XRCC1: variants seen among roughly 807,000 people sequenced by gnomAD.
The protein encoded by XRCC1 is X-ray repair cross complementing 1.
Under a neutral mutation model 83.3 loss-of-function variants are expected in XRCC1, and 52 were observed. That is an observed-to-expected ratio of 0.62 (90% CI 0.50 to 0.79). XRCC1 has a LOEUF of 0.79. XRCC1 is among the 30% of genes least tolerant of loss of function. The pLI, the probability that XRCC1 is intolerant of heterozygous loss-of-function variation, is 0.00. For missense variants in XRCC1, 793 were observed against 823.5 expected (o/e 0.96, Z 0.45); for synonymous variants, 281 against 312.6 (o/e 0.90, Z 1.07).
chr19:43,552,747 G>C (rs1367380787), intron 8 of XRCC1, 50 bp downstream of exon 8: 1 of 1,504,934 alleles, frequency 6.6e-7, no homozygotes, highest in East Asian at 2.3e-5. Flanking sequence ...GCTTCCCCTA[G>C]GACACAGGAG....
At chr19:43,552,326 C>T (rs1972586849) in intron 8 of XRCC1, 51 bp from the exon 9 acceptor site, 1 of 1,379,186 alleles carries the variant, frequency 7.3e-7, no homozygotes, top group South Asian at 1.3e-5. Flanking sequence ...GGTCAACCCC[C>T]AGCCCCTCCT....
intron 3 of XRCC1, among the ~76,000 whole-genome samples, chr19:43,557,012 A>G (rs1972643481): frequency 1.3e-5 from 2 of 151,784 alleles, no homozygotes; most frequent in South Asian, 4.2e-4. Flanking sequence ...CAAAAAACAA[A>G]AAACGAAACA....
At position 43,546,616 on chromosome 19, in the gene XRCC1, C is replaced by T. The variant is rs1972513317; in HGVS notation, c.1405G>A (p.Asp469Asn). Reference protein sequence around the residue: ...AASPVLQEDIDIEGVQSEGQD... With the variant: ...AASPVLQEDINIEGVQSEGQD... ...TGACCTGACTGTACCCCCTCAATGT[C>T]TATATCTTCCTGGAGCACTGGTGAG... The change falls in exon 12 of 17, where the codon GAC becomes AAC. Residue 469 changes from aspartate to asparagine, a missense_variant. Coordinates refer to ENST00000262887, the MANE Select transcript of XRCC1 (RefSeq NM_006297.3). 1.2e-6 allele frequency: 2 copies of T among 1,611,198 alleles called. No homozygotes were observed. Among genetic ancestry groups the T allele is most frequent in the African/African-American group, 1.3e-5 (1 of 74,830 alleles).
chr19:43,548,766 CAAAAAAAAAA>C (rs60740505), intron 10 of XRCC1, among the ~76,000 whole-genome samples: 4 of 64,590 alleles, frequency 6.2e-5, no homozygotes, highest in East Asian at 3.6e-4. Context: ...CAAGAATGAT[CAAAAAAAAAA>C]AAAAAAAAAA....
At chr19:43,547,288 C>T (rs971551816) in intron 10 of XRCC1, among the ~76,000 whole-genome samples, 36 of 151,846 alleles carry the variant, frequency 2.4e-4, no homozygotes, top group African/African-American at 8.0e-4. Context: ...CAGGTTCGAG[C>T]GACTCCCCTG....
In XRCC1 at chr19:43,566,594, T is replaced by C. The variant is rs116628409; in HGVS notation, c.145-5574A>G. Among the ~76,000 whole-genome samples the C allele has an allele frequency of 7.8e-3, 1,174 of 150,262 alleles. 5 individuals are homozygous for C. The highest frequency in any genetic ancestry group is 0.027 in the African/African-American group (1,116 of 40,916). On this transcript the variant is annotated intron_variant, in intron 2 of 16. Transcript: ENST00000262887. ...AGAATCTGATAAAAATGTTTATACA[T>C]GGAGGCTGGGGTGGTGGCTCACGCC...
At chr19:43,574,035 C>T (rs1418417833) in intron 2 of XRCC1, among the ~76,000 whole-genome samples, 3 of 152,004 alleles carry the variant, frequency 2.0e-5, no homozygotes, top group African/African-American at 4.8e-5. Context: ...TGTAGAGCAG[C>T]GACTGACAGG....
chr19:43,567,269 A>T (rs978638545), intron 2 of XRCC1, among the ~76,000 whole-genome samples: 2 of 6,242 alleles, frequency 3.2e-4, no homozygotes, highest in African/African-American at 2.3e-3. Context: ...TCAATATGCT[A>T]AAAAAAAAAA....
chr19:43,544,401 GGGA>G (rs1030889765), intron 14 of XRCC1, among the ~76,000 whole-genome samples, 167 bp from the exon 15 acceptor site: 4 of 152,172 alleles, frequency 2.6e-5, no homozygotes, highest in Non-Finnish European at 4.4e-5. Context: ...GAGCCTCCTG[GGGA>G]GGTAGGTTGG....
chr19:43,554,372 T>TA (rs1373754171), intron 4 of XRCC1, among the ~76,000 whole-genome samples: 1 of 152,204 alleles, frequency 6.6e-6, no homozygotes, highest in Non-Finnish European at 1.5e-5. Context: ...AGGCCCACTC[T>TA]ACTAGGCCAC....
chr19:43,575,133 C>T (rs1972843487), intron 1 of XRCC1, 131 bp from the exon 2 acceptor site: 1 of 812,174 alleles, frequency 1.2e-6, no homozygotes, highest in African/African-American at 1.7e-5. Context: ...GTTAATCCCC[C>T]GACACTCTGC....
Position 43,573,533 on chromosome 19 carries a change from G to A in XRCC1, c.144+1377C>T, listed in dbSNP as rs539906786. Among the ~76,000 whole-genome samples the A allele has an allele frequency of 1.3e-4, 20 of 152,124 alleles. No individual in the cohort carries two copies. The South Asian group carries it at 1.9e-3, about 14-fold the overall frequency. Reference sequence around the variant, plus strand: ...CCATTCACAAAAGGTTAATTTTTCCGTCACCCTAGCACTATCCACAGAGTG... The same window carrying A: ...CCATTCACAAAAGGTTAATTTTTCCATCACCCTAGCACTATCCACAGAGTG... On this transcript the variant is annotated intron_variant, in intron 2 of 16. Coordinates refer to ENST00000262887, the MANE Select transcript of XRCC1 (RefSeq NM_006297.3).
In XRCC1 at chr19:43,552,063, CA is replaced by C; in HGVS notation, c.1035del (p.Ala347ProfsTer28). 1 of 1,614,082 alleles carries C rather than the reference CA, an allele frequency of 6.2e-7. No homozygotes were observed. The highest frequency in any genetic ancestry group is 1.7e-5 in the Admixed American group (1 of 60,016). On this transcript the variant is annotated frameshift_variant, in exon 9 of 17. Transcript: ENST00000262887. LOFTEE classifies it high-confidence loss of function. ...RSELRDKALELGAKYRPDWTR... is the reference protein window; with the variant it reads ...RSELRDKALEXGAKYRPDWTR... The stretch of plus-strand genomic sequence containing the variant: ...GTCCAGTCTGGCCGATACTTGGCCC[CA>C]AGCTCTAGGGCCTTATCTCGCAGCT...
chr19:43,556,400 TTGGGGGGACAC>T (rs1211986992), intron 3 of XRCC1, among the ~76,000 whole-genome samples: 1 of 152,164 alleles, frequency 6.6e-6, no homozygotes, highest in African/African-American at 2.4e-5. Context: ...TGGCCTTAGC[TTGGGGGGACAC>T]CAAAGAAGAG....
Position 43,561,039 on chromosome 19 carries a change from GC to G in XRCC1, c.145-20del. On this transcript the variant is annotated intron_variant, in intron 2 of 16. Transcript: ENST00000262887. The stretch of plus-strand genomic sequence containing the variant: ...TCTCCAACTGTGGGCAGAGAGAGAG[GC>G]CACTGTCAGTGCCTGCTCTGCCTCT... 6.3e-7 allele frequency: 1 copy of G among 1,584,334 alleles called. No homozygotes were observed. Among genetic ancestry groups the G allele is most frequent in the Non-Finnish European group, 8.7e-7 (1 of 1,153,046 alleles).
Position 43,548,784 on chromosome 19 carries a change from A to AAAAAAAAAAAAAAAC in XRCC1, c.1200-1808_1200-1807insGTTTTTTTTTTTTTT, listed in dbSNP as rs752610644. On this transcript the variant is annotated intron_variant, in intron 10 of 16. Coordinates refer to ENST00000262887, the MANE Select transcript of XRCC1 (RefSeq NM_006297.3). ...GAATGATCAAAAAAAAAAAAAAAAA[A>AAAAAAAAAAAAAAAC]AACACAACAGTAGCAGGTTGACACT... Among the ~76,000 whole-genome samples, 186 of 142,056 alleles carry AAAAAAAAAAAAAAAC rather than the reference A, an allele frequency of 1.3e-3. 2 individuals are homozygous for AAAAAAAAAAAAAAAC. The highest frequency in any genetic ancestry group is 3.6e-3 in the East Asian group (16 of 4,470). The allele number at this position is 142,056 out of a possible 152,430, so 93.2% of individuals were successfully genotyped here.
intron 2 of XRCC1, among the ~76,000 whole-genome samples, chr19:43,570,597 A>C (rs1972797855): frequency 6.6e-6 from 1 of 152,216 alleles, no homozygotes; most frequent in Non-Finnish European, 1.5e-5. Context: ...CAGGCTGGGC[A>C]ACATAGTGAG....
Position 43,543,439 on chromosome 19 carries a change from G to A in XRCC1, c.1855C>T (p.Gln619Ter), listed in dbSNP as rs771611144. Residue 619 changes from glutamine to a stop codon, truncating the protein, a stop_gained, in exon 17 of 17, where the codon CAG becomes TAG. Coordinates refer to ENST00000262887, the MANE Select transcript of XRCC1 (RefSeq NM_006297.3). LOFTEE classifies it high-confidence loss of function. ...TAGAGCTGGTGAGGAAGTAACTTCT[G>A]CTTCTCATTGCAACTGTAGATCCAT... ...PRWIYSCNEK[Q>*]KLLPHQLYGV... 6.2e-7 allele frequency: 1 copy of A among 1,612,998 alleles called. No individual in the cohort carries two copies. Among genetic ancestry groups the A allele is most frequent in the African/African-American group, 1.3e-5 (1 of 74,568 alleles).
chr19:43,558,682 T>C (rs992425981), intron 3 of XRCC1, among the ~76,000 whole-genome samples: 3 of 151,476 alleles, frequency 2.0e-5, no homozygotes, highest in Non-Finnish European at 4.4e-5. Flanking sequence ...ATAAATAATA[T>C]GGTTAAAAAA....
Sources: gnomAD v4.1 joint callset for allele counts (sites outside exome capture counted in the v4.1 genomes callset) on GRCh38, gnomAD v4.1.1 for gene constraint, MANE v1.5 for transcripts, NCBI Gene and HGNC (gene_info 2026-07-23, HGNC 2026-07-21) for gene names.